FNBP4: variants seen among roughly 807,000 people sequenced by gnomAD.
The protein encoded by FNBP4 is formin binding protein 4, also known as formin-binding protein 4.
Under a neutral mutation model 119.3 loss-of-function variants are expected in FNBP4, and 34 were observed. That is an observed-to-expected ratio of 0.28 (90% CI 0.22 to 0.38). The LOEUF is 0.38. FNBP4 is among the 10% of genes least tolerant of loss of function. The probability of loss-of-function intolerance (pLI) is 1.00; values close to 1 mark genes in which losing one functional copy is unlikely to be tolerated. For missense variants in FNBP4, 1,112 were observed against 1,228.9 expected (o/e 0.90, Z 1.42); for synonymous variants, 462 against 430.6 (o/e 1.07, Z -0.90).
At chr11:47,738,185 G>A (rs1390267733) in intron 8 of FNBP4, among the ~76,000 whole-genome samples, 2 of 152,142 alleles carry the variant, frequency 1.3e-5, no homozygotes, top group South Asian at 2.1e-4. Context: ...AACTTAAAAC[G>A]GAGCACACAA....
At chr11:47,755,759 C>T (rs2097616093) in intron 2 of FNBP4, among the ~76,000 whole-genome samples, 1 of 151,758 alleles carries the variant, frequency 6.6e-6, no homozygotes, top group Non-Finnish European at 1.5e-5. Context: ...CCACTGTACT[C>T]CAGCCAGGGT....
intron 12 of FNBP4, among the ~76,000 whole-genome samples, chr11:47,727,495 T>G (rs751146473): frequency 2.0e-5 from 3 of 152,106 alleles, no homozygotes. Flanking sequence ...AAGTGATCTG[T>G]GTGCCTTGGC....
rs1465850174 is a variant in FNBP4 at position 47,731,382 on chromosome 11, G to A, written c.2000C>T (p.Thr667Ile). Residue 667 changes from threonine (T) to isoleucine (I), a missense_variant, in exon 12 of 17, where the codon ACT (threonine) becomes ATT (isoleucine). Thr to Ile is a moderately conservative substitution (Grantham distance 89, BLOSUM62 -1). Coordinates refer to ENST00000263773, the MANE Select transcript of FNBP4 (RefSeq NM_015308.5). Reference protein sequence around the residue: ...TDSNSTESSETSTGSLCKESF... With the variant: ...TDSNSTESSEISTGSLCKESF... The stretch of plus-strand genomic sequence containing the variant: ...AAGGTAAATTGTCTCACCTGTGGAA[G>A]TTTCAGAGGATTCTGTTGAATTTGA... The A allele has an allele frequency of 3.1e-6, 5 of 1,610,334 alleles. No individual in the cohort carries two copies. Among genetic ancestry groups the A allele is most frequent in the Non-Finnish European group, 4.2e-6 (5 of 1,178,850 alleles).
intron 2 of FNBP4, among the ~76,000 whole-genome samples, chr11:47,756,496 T>C (rs2097618545): frequency 6.6e-6 from 1 of 152,154 alleles, no homozygotes; most frequent in Non-Finnish European, 1.5e-5. Flanking sequence ...AGTGCCTTAG[T>C]ATCGTAATTC....
intron 16 of FNBP4, among the ~76,000 whole-genome samples, chr11:47,717,898 A>G (rs570326348): frequency 6.7e-6 from 1 of 149,038 alleles, no homozygotes; most frequent in East Asian, 2.0e-4. Context: ...GATTACAGGC[A>G]TGTGCAACCA....
chr11:47,754,880 C>T (rs1324633733), intron 2 of FNBP4, among the ~76,000 whole-genome samples: 3 of 152,054 alleles, frequency 2.0e-5, no homozygotes, highest in Non-Finnish European at 4.4e-5. Flanking sequence ...AGTGGCTCAA[C>T]GCCTGTAATC....
chr11:47,731,706 T>C, intron 11 of FNBP4, 145 bp from the exon 12 acceptor site: 2 of 1,404,270 alleles, frequency 1.4e-6, no homozygotes, highest in African/African-American at 1.5e-5. Flanking sequence ...ACAAAGAGCT[T>C]TGACAATTGA....
intron 2 of FNBP4, among the ~76,000 whole-genome samples, chr11:47,762,234 C>T (rs1032644095): frequency 2.0e-5 from 3 of 151,654 alleles, no homozygotes; most frequent in Non-Finnish European, 2.9e-5. Flanking sequence ...CGGGTTCAAG[C>T]GATTCTCCCA....
chr11:47,754,711 G>C, intron 2 of FNBP4, 47 bp from the exon 3 acceptor site: 2 of 1,586,560 alleles, frequency 1.3e-6, no homozygotes, highest in Non-Finnish European at 1.7e-6. Context: ...ATGTCAATAT[G>C]TCCTAAGAAG....
At position 47,750,932 on chromosome 11, in the gene FNBP4, T is replaced by C; in HGVS notation, c.890A>G (p.Lys297Arg). Residue 297 changes from lysine (K) to arginine (R), a missense_variant, in exon 6 of 17, where the codon AAG (lysine) becomes AGG (arginine). Around this residue, in one of 2 missense-constraint regions of FNBP4, gnomAD observed 826 missense variants for 988.8 expected, o/e 0.84. Coordinates refer to ENST00000263773, the MANE Select transcript of FNBP4 (RefSeq NM_015308.5). ...SSSKSGPVIA[K>R]REVKKEVNEG... Reference sequence around the variant, plus strand: ...GACACTGACCTTTTTAACTTCTCGCTTGGCTATGACTGGTCCACTTTTACT... The same window carrying C: ...GACACTGACCTTTTTAACTTCTCGCCTGGCTATGACTGGTCCACTTTTACT... 1 of 1,613,970 alleles carries C rather than the reference T, an allele frequency of 6.2e-7. No homozygotes were observed. Among genetic ancestry groups the C allele is most frequent in the South Asian group, 1.1e-5 (1 of 91,062 alleles).
Position 47,717,468 on chromosome 11 carries a change from T to C in FNBP4, c.3008A>G (p.Asp1003Gly). 6.2e-7 allele frequency: 1 copy of C among 1,613,362 alleles called. No individual in the cohort carries two copies. The highest frequency in any genetic ancestry group is 8.5e-7 in the Non-Finnish European group (1 of 1,179,928). Residue 1003 changes from aspartate (D) to glycine (G), a missense_variant, in exon 17 of 17, where the codon GAT becomes GGT. Physicochemically the swap from Asp to Gly is moderately conservative, Grantham distance 94. Transcript: ENST00000263773. ...RNANFEALPE[D>G]WRARLKRRKM... ...CCTTCTCTTCAGCCTTGCTCTCCAA[T>C]CCTCAGGAAGGGCTTCAAAATTAGC...
rs546168192 is a variant in FNBP4, at chr11:47,724,547, C to A, written c.2240G>T (p.Ser747Ile). 8.1e-6 allele frequency: 13 copies of A among 1,614,184 alleles called. No homozygotes were observed. The South Asian group carries it at 9.9e-5, about 12-fold the overall frequency. Residue 747 changes from serine (S) to isoleucine (I), a missense_variant, in exon 13 of 17, where the codon AGT becomes ATT. Physicochemically the swap from Ser to Ile is moderately radical, Grantham distance 142. Coordinates refer to ENST00000263773, the MANE Select transcript of FNBP4 (RefSeq NM_015308.5). ...IQEVEMEDEG[S>I]EEPPAPGTEE... ...TGTTCCTGGGGCAGGGGGCTCCTCA[C>A]TTCCCTCATCCTCCATCTCTACCTC...
intron 8 of FNBP4, among the ~76,000 whole-genome samples, chr11:47,740,733 C>T (rs1200430004): frequency 6.6e-6 from 1 of 151,664 alleles, no homozygotes; most frequent in African/African-American, 2.4e-5. Flanking sequence ...GCTGGGATTA[C>T]AGGCGAGCAC....
intron 8 of FNBP4, among the ~76,000 whole-genome samples, chr11:47,739,956 TTTTGTTTG>T (rs148271316): frequency 0.58 from 87,008 of 150,512 alleles, 25,416 homozygotes; most frequent in Admixed American, 0.64. Context: ...TTTTATGTAT[TTTTGTTTG>T]TTTGTTTGTT....
chr11:47,743,888 A>G, intron 8 of FNBP4, 65 bp downstream of exon 8: 1 of 1,451,538 alleles, frequency 6.9e-7, no homozygotes, highest in Non-Finnish European at 9.6e-7. Context: ...GAAACAAAAA[A>G]AGACAAGAGT....
chr11:47,748,907 G>A (rs977210241), intron 6 of FNBP4, among the ~76,000 whole-genome samples: 2 of 151,934 alleles, frequency 1.3e-5, no homozygotes, highest in African/African-American at 2.4e-5. Flanking sequence ...TTGACCTCTC[G>A]AAGTGCTGGG....
chr11:47,737,195 A>C (rs1307619869), intron 8 of FNBP4, among the ~76,000 whole-genome samples: 1 of 150,536 alleles, frequency 6.6e-6, no homozygotes, highest in East Asian at 1.9e-4. Context: ...CATCTCAAAA[A>C]ATAAATAAAT....
At chr11:47,766,396 C>T (rs577375351) in intron 1 of FNBP4, among the ~76,000 whole-genome samples, 1 of 152,344 alleles carries the variant, frequency 6.6e-6, no homozygotes, top group East Asian at 1.9e-4. Context: ...ATTCTCCAGG[C>T]TATGATAGGA....
chr11:47,736,194 T>C (rs989957469), intron 9 of FNBP4, among the ~76,000 whole-genome samples: 3 of 146,770 alleles, frequency 2.0e-5, no homozygotes, highest in Non-Finnish European at 3.0e-5. Context: ...TGAGCCAAGA[T>C]CGGGCCACGG....
Sources: allele counts gnomAD v4.1 joint callset (sites outside exome capture counted in the v4.1 genomes callset), GRCh38; gene constraint gnomAD v4.1.1; regional missense constraint gnomAD v4.1.1; transcripts MANE v1.5; gene names NCBI Gene and HGNC (gene_info 2026-07-23, HGNC 2026-07-21).